Variants in AGMO observed in about 807,000 individuals in gnomAD.
AGMO encodes alkylglycerol monooxygenase, also known as glyceryl-ether monooxygenase.
Under a neutral mutation model 60.2 loss-of-function variants are expected in AGMO, and 75 were observed. The ratio of observed to expected loss-of-function variants is 1.25; its 90% CI spans 1.03 to 1.51. The LOEUF (loss-of-function observed/expected upper bound fraction) is 1.51. Among genes scored for constraint, AGMO ranks in the 40% most tolerant of loss-of-function variants. The probability of loss-of-function intolerance (pLI) is 0.00; values close to 1 mark genes in which losing one functional copy is unlikely to be tolerated. For synonymous variants in AGMO, 261 were observed against 177.1 expected (o/e 1.47, Z -3.76); for missense variants, 763 against 525.5 (o/e 1.45, Z -4.42).
At chr7:15,171,192 A>C in the AGMO span, among the ~76,000 whole-genome samples, 3 of 152,054 alleles carry the variant, frequency 2.0e-5, no homozygotes, top group Non-Finnish European at 2.9e-5. Flanking sequence ...CGTGTTAGCC[A>C]GGATGGTCTG....
chr7:15,254,891 G>A (rs985327403), intron 12 of AGMO, among the ~76,000 whole-genome samples: 1 of 151,856 alleles, frequency 6.6e-6, no homozygotes, highest in Admixed American at 6.6e-5. Flanking sequence ...TAAACTCCTC[G>A]ACACCTACCA....
At chr7:15,554,294 C>T (rs17329829) in intron 2 of AGMO, among the ~76,000 whole-genome samples, 12,366 of 151,978 alleles carry the variant, frequency 0.081, 616 homozygotes, top group African/African-American at 0.14. Flanking sequence ...TGGGAAGAGG[C>T]ATATAAAATA....
chr7:15,553,275 A>T (rs1004665937), intron 2 of AGMO, among the ~76,000 whole-genome samples: 3 of 152,008 alleles, frequency 2.0e-5, no homozygotes, highest in African/African-American at 7.2e-5. Flanking sequence ...TACATATGTA[A>T]CTAACCTGCG....
At chr7:15,281,017 A>G (rs926382488) in intron 12 of AGMO, among the ~76,000 whole-genome samples, 3 of 152,300 alleles carry the variant, frequency 2.0e-5, no homozygotes, top group Middle Eastern at 3.4e-3. Flanking sequence ...GGCTAGACTC[A>G]GAGGAGCAGC....
intron 4 of AGMO, among the ~76,000 whole-genome samples, chr7:15,422,314 G>A (rs1049319172): frequency 1.3e-5 from 2 of 151,790 alleles, no homozygotes; most frequent in African/African-American, 2.4e-5. Context: ...TATATTTATG[G>A]CTTATTCAGA....
intron 3 of AGMO, among the ~76,000 whole-genome samples, chr7:15,487,175 T>C (rs896906961): frequency 7.2e-5 from 11 of 152,188 alleles, no homozygotes; most frequent in African/African-American, 2.7e-4. Context: ...TATTTTACAC[T>C]CCAACTTGGT....
chr7:15,470,698 T>A (rs552220262), intron 3 of AGMO, among the ~76,000 whole-genome samples: 1 of 151,984 alleles, frequency 6.6e-6, no homozygotes, highest in Non-Finnish European at 1.5e-5. Context: ...GTTCTTATTA[T>A]CTATTTTTTA....
Position 15,236,060 on chromosome 7 carries a change from G to A in AGMO, c.1264-34701C>T, listed in dbSNP as rs563944166. Among the ~76,000 whole-genome samples, 6 of 152,152 alleles carry A rather than the reference G, an allele frequency of 3.9e-5. No homozygotes were observed. In the South Asian group the frequency reaches 6.2e-4, roughly 16 times the overall value. ...TGCTATAAAGAAATATTAAATAAAG[G>A]AAAATGATATACTGTTCTCTATTTC... On this transcript the variant is annotated intron_variant, in intron 12 of 12. Transcript: ENST00000342526.
chr7:15,209,283 A>T (rs1045510531), intron 12 of AGMO, among the ~76,000 whole-genome samples: 4 of 152,206 alleles, frequency 2.6e-5, no homozygotes, highest in African/African-American at 9.7e-5. Flanking sequence ...GTGTTTACAA[A>T]TGCAGAATAG....
intron 2 of AGMO, among the ~76,000 whole-genome samples, chr7:15,555,377 T>C (rs1347444786): frequency 6.7e-6 from 1 of 150,364 alleles, no homozygotes; most frequent in East Asian, 1.9e-4. Flanking sequence ...TTCTGGGAAA[T>C]TTTGTTATTT....
At chr7:15,276,839 T>C (rs1488082621) in intron 12 of AGMO, among the ~76,000 whole-genome samples, 1 of 150,982 alleles carries the variant, frequency 6.6e-6, no homozygotes, top group Non-Finnish European at 1.5e-5. Flanking sequence ...AAAGCTTTCA[T>C]GTGTAATTCC....
chr7:15,467,933 C>G (rs1302813371), intron 3 of AGMO, among the ~76,000 whole-genome samples: 1 of 152,024 alleles, frequency 6.6e-6, no homozygotes, highest in Non-Finnish European at 1.5e-5. Context: ...CCGTACCCTC[C>G]CTGCCACCCT....
chr7:15,262,611 AT>A (rs1324817084), intron 12 of AGMO, among the ~76,000 whole-genome samples: 1 of 152,038 alleles, frequency 6.6e-6, no homozygotes, highest in Non-Finnish European at 1.5e-5. Context: ...CTAAAAAAAA[AT>A]CCAAAAATTC....
At chr7:15,318,798 G>A (rs941052531) in intron 12 of AGMO, among the ~76,000 whole-genome samples, 1 of 151,900 alleles carries the variant, frequency 6.6e-6, no homozygotes, top group African/African-American at 2.4e-5. Flanking sequence ...TTTACAGGTT[G>A]CCAATTATGC....
chr7:15,513,477 G>A (rs1783731984), intron 3 of AGMO, among the ~76,000 whole-genome samples: 1 of 152,042 alleles, frequency 6.6e-6, no homozygotes, highest in Admixed American at 6.6e-5. Context: ...GGGTGAGGTG[G>A]TGGATTTATA....
intron 3 of AGMO, among the ~76,000 whole-genome samples, chr7:15,476,072 C>G (rs12531211): frequency 6.6e-6 from 1 of 151,884 alleles, no homozygotes; most frequent in Non-Finnish European, 1.5e-5. Flanking sequence ...GATGAGTAAG[C>G]GACACACTGT....
At chr7:15,233,619 T>G (rs1782324834) in intron 12 of AGMO, among the ~76,000 whole-genome samples, 1 of 152,180 alleles carries the variant, frequency 6.6e-6, no homozygotes, top group South Asian at 2.1e-4. Context: ...CACAGCATTG[T>G]CCATGTACTT....
chr7:15,350,429 C>T (rs958486924), intron 12 of AGMO, among the ~76,000 whole-genome samples: 1 of 152,016 alleles, frequency 6.6e-6, no homozygotes, highest in African/African-American at 2.4e-5. Context: ...ATGATGATGC[C>T]ACTTAAATAG....
intron 12 of AGMO, among the ~76,000 whole-genome samples, chr7:15,347,970 C>A (rs1387877503): frequency 1.3e-5 from 2 of 152,010 alleles, no homozygotes; most frequent in Non-Finnish European, 2.9e-5. Flanking sequence ...CTTGACTTTA[C>A]TCTTACTAAA....
Sources: allele counts gnomAD v4.1 joint callset (sites outside exome capture counted in the v4.1 genomes callset), GRCh38; gene constraint gnomAD v4.1.1; transcripts MANE v1.5; gene names NCBI Gene and HGNC (gene_info 2026-07-23, HGNC 2026-07-21).